Variants in GLP2R observed in about 807,000 individuals in gnomAD.
The protein encoded by GLP2R is glucagon-like peptide 2 receptor.
GLP2R carries 59 observed loss-of-function variants against 68.2 expected under a neutral mutation model. That is an observed-to-expected ratio of 0.87 (90% CI 0.70 to 1.07). GLP2R has a LOEUF of 1.07. GLP2R is among the 50% of genes least tolerant of loss of function. The pLI, the probability that GLP2R is intolerant of heterozygous loss-of-function variation, is 0.00. For synonymous variants in GLP2R, 270 were observed against 265.4 expected (o/e 1.02, Z -0.17); for missense variants, 548 against 677.4 (o/e 0.81, Z 2.12).
intron 9 of GLP2R, chr17:9,866,108 C>T (rs577877135): frequency 6.0e-6 from 2 of 332,752 alleles, no homozygotes. Context: ...TCCCACCAGA[C>T]ATGGAAGGGA....
At chr17:9,872,897 C>G (rs1031776963) in intron 10 of GLP2R, among the ~76,000 whole-genome samples, 2 of 152,174 alleles carry the variant, frequency 1.3e-5, no homozygotes, top group African/African-American at 4.8e-5. Flanking sequence ...GTAAACATAC[C>G]CGGTTCAATA....
intron 1 of GLP2R, among the ~76,000 whole-genome samples, chr17:9,828,956 G>A (rs1381094743): frequency 6.6e-6 from 1 of 152,086 alleles, no homozygotes; most frequent in Non-Finnish European, 1.5e-5. Flanking sequence ...CTTACTCTTG[G>A]TTCTCCATCT....
At chr17:9,888,121 C>G in intron 12 of GLP2R, 148 bp downstream of exon 12, 1 of 759,560 alleles carries the variant, frequency 1.3e-6, no homozygotes, top group East Asian at 2.4e-5. Flanking sequence ...TGTGAGCTTC[C>G]GGTACAGAGA....
intron 11 of GLP2R, among the ~76,000 whole-genome samples, chr17:9,881,173 GA>G (rs1370592437): frequency 6.6e-6 from 1 of 152,156 alleles, no homozygotes; most frequent in Non-Finnish European, 1.5e-5. Context: ...GAACTACCAA[GA>G]TGTCTTCTTC....
intron 2 of GLP2R, among the ~76,000 whole-genome samples, chr17:9,835,595 G>A (rs556051490): frequency 5.9e-5 from 9 of 152,250 alleles, no homozygotes; most frequent in Admixed American, 1.3e-4. Flanking sequence ...TTGATCCTCC[G>A]TATTCCGCTG....
intron 1 of GLP2R, among the ~76,000 whole-genome samples, chr17:9,826,566 C>T (rs1006520581): frequency 6.6e-6 from 1 of 152,154 alleles, no homozygotes; most frequent in African/African-American, 2.4e-5. Flanking sequence ...GTGAGTTCTG[C>T]AAATAGCATT....
intron 3 of GLP2R, among the ~76,000 whole-genome samples, chr17:9,841,773 T>C (rs1350490693): frequency 6.6e-6 from 1 of 152,180 alleles, no homozygotes; most frequent in East Asian, 1.9e-4. Context: ...TAGTTACTGT[T>C]GGCCCATGAT....
intron 4 of GLP2R, among the ~76,000 whole-genome samples, chr17:9,845,431 C>A (rs2066828280): frequency 6.6e-6 from 1 of 152,180 alleles, no homozygotes; most frequent in Admixed American, 6.5e-5. Context: ...AGCCACCTAG[C>A]CTCTCTGCAG....
At chr17:9,868,390 A>G (rs1164255938) in intron 9 of GLP2R, among the ~76,000 whole-genome samples, 1 of 152,162 alleles carries the variant, frequency 6.6e-6, no homozygotes, top group African/African-American at 2.4e-5. Flanking sequence ...GTAGGCCCAG[A>G]TCTGTGCACA....
chr17:9,833,746 G>A, intron 1 of GLP2R, 61 bp from the exon 2 acceptor site: 1 of 994,822 alleles, frequency 1.0e-6, no homozygotes, highest in South Asian at 1.5e-5. Context: ...ATGGTGTGAA[G>A]TGACAACAAG....
At position 9,842,634 on chromosome 17, in the gene GLP2R, A is replaced by C. The variant is rs757604862; in HGVS notation, c.504+18A>C. On this transcript the variant is annotated intron_variant, in intron 4 of 12. Coordinates refer to ENST00000262441, the MANE Select transcript of GLP2R (RefSeq NM_004246.3). ...AGCAAAACGTGAGTTTGCTCAGCTC[A>C]GTGAGGAGGCATCCAGGGTCCAAAC... 2.5e-6 allele frequency: 4 copies of C among 1,612,414 alleles called. No homozygotes were observed. Among genetic ancestry groups the C allele is most frequent in the Admixed American group, 1.7e-5 (1 of 60,010 alleles).
chr17:9,841,018 A>AT (rs10624268), intron 3 of GLP2R, among the ~76,000 whole-genome samples: 9,900 of 138,836 alleles, frequency 0.071, 844 homozygotes, highest in African/African-American at 0.19. Context: ...GGTGTGGCTA[A>AT]TTTTTTTTTT....
chr17:9,857,438 G>T lies in GLP2R; in HGVS notation c.627G>T (p.Thr209=). The change falls in exon 6 of 13, where the codon ACG becomes ACT. Residue 209 remains threonine, a synonymous_variant. Transcript: ENST00000262441. ...CCTCGCACAGAAAACTCCACTGCACGCGCAACTACATCCACATGAACTTGT... is the reference window on the plus strand; with the variant it reads ...CCTCGCACAGAAAACTCCACTGCACTCGCAACTACATCCACATGAACTTGT... ...LLLFLRKLHC[T]RNYIHMNLFA... 1 of 1,614,128 alleles carries T rather than the reference G, an allele frequency of 6.2e-7. No homozygotes were observed. The highest frequency in any genetic ancestry group is 8.5e-7 in the Non-Finnish European group (1 of 1,180,006).
intron 11 of GLP2R, among the ~76,000 whole-genome samples, chr17:9,881,419 C>T (rs1237210287): frequency 1.7e-5 from 2 of 120,608 alleles, no homozygotes; most frequent in Non-Finnish European, 3.1e-5. Context: ...CTCGCTCTGT[C>T]GCCCAGGCTG....
chr17:9,844,479 C>T lies in GLP2R; in HGVS notation c.504+1863C>T, dbSNP rs986379070. On this transcript the variant is annotated intron_variant, in intron 4 of 12. Coordinates refer to ENST00000262441, the MANE Select transcript of GLP2R (RefSeq NM_004246.3). Reference sequence around the variant, plus strand: ...GGTGGAAGAAGAGGGAGGGTGGACTCATAGGTTTACCGAGGAGCAAAACGG... The same window carrying T: ...GGTGGAAGAAGAGGGAGGGTGGACTTATAGGTTTACCGAGGAGCAAAACGG... Among the ~76,000 whole-genome samples, 6 of 151,836 alleles carry T rather than the reference C, an allele frequency of 4.0e-5. No homozygotes were observed. In the South Asian group the frequency reaches 1.0e-3, roughly 26 times the overall value.
intron 9 of GLP2R, chr17:9,866,248 T>C (rs542738805): frequency 9.0e-6 from 2 of 222,272 alleles, no homozygotes; most frequent in Non-Finnish European, 1.8e-5. Context: ...TCTTCATCTA[T>C]GAAATCAGTC....
intron 11 of GLP2R, among the ~76,000 whole-genome samples, chr17:9,884,683 A>AT (rs11400721): frequency 0.06 from 9,180 of 152,088 alleles, 937 homozygotes; most frequent in African/African-American, 0.21. Flanking sequence ...GTTGGACAAT[A>AT]TTTTTTTCCC....
intron 5 of GLP2R, among the ~76,000 whole-genome samples, chr17:9,855,132 G>A (rs1233449507): frequency 2.6e-5 from 4 of 152,146 alleles, no homozygotes; most frequent in Admixed American, 2.6e-4. Flanking sequence ...ACAAAAGTGT[G>A]GATAATGGGG....
intron 1 of GLP2R, among the ~76,000 whole-genome samples, chr17:9,831,978 G>A (rs1162080897): frequency 6.6e-6 from 1 of 152,184 alleles, no homozygotes; most frequent in Non-Finnish European, 1.5e-5. Flanking sequence ...CCTTGGCCTT[G>A]CATGCCAGCC....
Sources: gnomAD v4.1 joint callset for allele counts (sites outside exome capture counted in the v4.1 genomes callset) on GRCh38, gnomAD v4.1.1 for gene constraint, MANE v1.5 for transcripts, NCBI Gene and HGNC (gene_info 2026-07-23, HGNC 2026-07-21) for gene names.